The following RSU1 variants were observed in gnomAD, a reference collection of about 807,000 sequenced individuals.
RSU1 encodes the protein Ras suppressor protein 1, also known as rsu-1.
RSU1 carries 26 observed loss-of-function variants against 31.1 expected under a neutral mutation model. The observed-to-expected ratio is 0.84, with a 90% CI of 0.61 to 1.16. RSU1 has a LOEUF of 1.16. Among genes scored for constraint, RSU1 ranks in the 50% most tolerant of loss-of-function variants. The pLI is 0.00. For missense variants in RSU1, 320 were observed against 339.1 expected (o/e 0.94, Z 0.44); for synonymous variants, 164 against 136.3 (o/e 1.20, Z -1.41).
chr10:16,788,859 C>A (rs947381020), intron 2 of RSU1, among the ~76,000 whole-genome samples: 1 of 152,148 alleles, frequency 6.6e-6, no homozygotes, highest in South Asian at 2.1e-4. Context: ...TCTGGGTGAC[C>A]ACGTGCCAGC....
intron 7 of RSU1, among the ~76,000 whole-genome samples, chr10:16,713,563 G>T (rs945716941): frequency 6.6e-6 from 1 of 151,954 alleles, no homozygotes; most frequent in African/African-American, 2.4e-5. Flanking sequence ...ACTTATCTTT[G>T]TTGCATTTCT....
At chr10:16,778,849 G>A (rs936268968) in intron 3 of RSU1, among the ~76,000 whole-genome samples, 2 of 152,194 alleles carry the variant, frequency 1.3e-5, no homozygotes, top group Non-Finnish European at 2.9e-5. Flanking sequence ...AAGGCAGAGA[G>A]GGGCAGTGAG....
At chr10:16,622,229 G>A (rs1307387472) in intron 8 of RSU1, among the ~76,000 whole-genome samples, 4 of 152,180 alleles carry the variant, frequency 2.6e-5, no homozygotes, top group African/African-American at 4.8e-5. Context: ...CACATTGGCT[G>A]TTTAACAGAT....
At chr10:16,629,723 A>AT (rs1177113373) in intron 8 of RSU1, among the ~76,000 whole-genome samples, 2 of 152,290 alleles carry the variant, frequency 1.3e-5, no homozygotes, top group East Asian at 3.9e-4. Context: ...GAATTTATGT[A>AT]TCTGTCATTA....
chr10:16,802,015 C>T (rs1838165952), intron 2 of RSU1, among the ~76,000 whole-genome samples: 1 of 151,652 alleles, frequency 6.6e-6, no homozygotes, highest in African/African-American at 2.4e-5. Flanking sequence ...AACTTCTACC[C>T]TAGAAAACAA....
chr10:16,603,311 C>T (rs948468637), intron 8 of RSU1, among the ~76,000 whole-genome samples: 2 of 152,196 alleles, frequency 1.3e-5, no homozygotes, highest in African/African-American at 4.8e-5. Flanking sequence ...TCTAGACTCA[C>T]GATCTGCCCC....
chr10:16,674,299 T>C (rs1170933666), intron 8 of RSU1, among the ~76,000 whole-genome samples: 2 of 151,918 alleles, frequency 1.3e-5, no homozygotes, highest in African/African-American at 2.4e-5. Context: ...CAGAGCAACA[T>C]TTATGGTGAT....
At chr10:16,801,384 A>G (rs1242070274) in intron 2 of RSU1, among the ~76,000 whole-genome samples, 1 of 152,180 alleles carries the variant, frequency 6.6e-6, no homozygotes, top group African/African-American at 2.4e-5. Flanking sequence ...GCGTCAAAAT[A>G]TGTTAGACAA....
intron 8 of RSU1, among the ~76,000 whole-genome samples, chr10:16,692,505 T>A (rs1835579568): frequency 6.6e-6 from 1 of 152,188 alleles, no homozygotes; most frequent in Admixed American, 6.5e-5. Flanking sequence ...CATGCATTTT[T>A]CTGTATACTA....
At chr10:16,603,058 A>G (rs990228948) in intron 8 of RSU1, among the ~76,000 whole-genome samples, 4 of 152,064 alleles carry the variant, frequency 2.6e-5, no homozygotes, top group Admixed American at 1.3e-4. Context: ...TCTTTTTGAG[A>G]TCAAACCTCC....
chr10:16,728,686 T>C (rs775186614), intron 7 of RSU1, among the ~76,000 whole-genome samples: 4 of 152,002 alleles, frequency 2.6e-5, no homozygotes, highest in Non-Finnish European at 5.9e-5. Flanking sequence ...GGATCTTGAG[T>C]TGGGGAGGTT....
chr10:16,755,378 C>T (rs1299063502), intron 4 of RSU1, among the ~76,000 whole-genome samples: 1 of 151,828 alleles, frequency 6.6e-6, no homozygotes, highest in African/African-American at 2.4e-5. Context: ...TCACCTAGGC[C>T]TCCCAGAATG....
At chr10:16,628,317 T>C (rs1249416424) in intron 8 of RSU1, among the ~76,000 whole-genome samples, 2 of 152,232 alleles carry the variant, frequency 1.3e-5, no homozygotes, top group African/African-American at 4.8e-5. Context: ...AAAGACTATG[T>C]CATCTTCCTC....
At chr10:16,687,357 C>T (rs904951278) in intron 8 of RSU1, among the ~76,000 whole-genome samples, 1 of 152,142 alleles carries the variant, frequency 6.6e-6, no homozygotes, top group African/African-American at 2.4e-5. Flanking sequence ...ATTTAAAAAA[C>T]TGAACCATTT....
At chr10:16,794,804 C>G (rs1477930442) in intron 2 of RSU1, among the ~76,000 whole-genome samples, 1 of 152,106 alleles carries the variant, frequency 6.6e-6, no homozygotes, top group East Asian at 1.9e-4. Flanking sequence ...ATAATATAAA[C>G]CTGAATGGAA....
chr10:16,663,707 A>G lies in RSU1; in HGVS notation c.731+31316T>C, dbSNP rs372363302. Among the ~76,000 whole-genome samples, 4 of 152,318 alleles carry G rather than the reference A, an allele frequency of 2.6e-5. No homozygotes were observed. In the East Asian group the frequency reaches 5.8e-4, roughly 22 times the overall value. ...TCTCTTAGTTTCACATGTGATCACC[A>G]AAATACAGAAGGAGGACTCTGCTCT... On this transcript the variant is annotated intron_variant, in intron 8 of 8. Coordinates refer to ENST00000345264, the MANE Select transcript of RSU1 (RefSeq NM_012425.4).
intron 2 of RSU1, among the ~76,000 whole-genome samples, chr10:16,805,880 G>A (rs1377056278): frequency 6.6e-6 from 1 of 152,036 alleles, no homozygotes; most frequent in Non-Finnish European, 1.5e-5. Context: ...GTCAAGATGA[G>A]GACTAGAAGG....
At chr10:16,699,830 G>A (rs1030967540) in intron 7 of RSU1, among the ~76,000 whole-genome samples, 5 of 152,246 alleles carry the variant, frequency 3.3e-5, no homozygotes. Flanking sequence ...GACCGATGCT[G>A]CTATGAAGAT....
chr10:16,761,584 C>T (rs1171182003), intron 4 of RSU1, among the ~76,000 whole-genome samples: 3 of 152,126 alleles, frequency 2.0e-5, no homozygotes, highest in East Asian at 1.9e-4. Flanking sequence ...CAGCCGGGCA[C>T]GGTGGCTCAC....
Sources: gnomAD v4.1 joint callset for allele counts (sites outside exome capture counted in the v4.1 genomes callset) on GRCh38, gnomAD v4.1.1 for gene constraint, MANE v1.5 for transcripts, NCBI Gene and HGNC (gene_info 2026-07-23, HGNC 2026-07-21) for gene names.